TSHZ1: variants seen among roughly 807,000 people sequenced by gnomAD.
The protein encoded by TSHZ1 is teashirt homolog 1.
A neutral mutation model predicts 67.1 loss-of-function variants in TSHZ1; 12 were observed. That is an observed-to-expected ratio of 0.18 (90% CI 0.11 to 0.29). The LOEUF (loss-of-function observed/expected upper bound fraction) is 0.29, where lower values mean the gene tolerates loss of function less well. Among genes scored for constraint, TSHZ1 ranks in the 10% least tolerant of loss-of-function variants. TSHZ1 has a pLI of 1.00. For synonymous variants in TSHZ1, 632 were observed against 622.4 expected, an observed-to-expected ratio of 1.02 and a Z score of -0.23; for missense variants, 1,305 against 1,413.9, an observed-to-expected ratio of 0.92 and a Z score of 1.23.
At chr18:75,241,841 G>A (rs1362698767) in intron 1 of TSHZ1, among the ~76,000 whole-genome samples, 1 of 150,748 alleles carries the variant, frequency 6.6e-6, no homozygotes, top group Non-Finnish European at 1.5e-5. Flanking sequence ...GGCAGTCCTG[G>A]GTGTCCTTGG....
intron 1 of TSHZ1, among the ~76,000 whole-genome samples, chr18:75,274,095 G>A (rs1489981463): frequency 6.6e-6 from 1 of 152,102 alleles, no homozygotes; most frequent in African/African-American, 2.4e-5. Context: ...TCCCCCCGAT[G>A]GCAGGACACA....
chr18:75,248,955 C>T (rs1021398575), intron 1 of TSHZ1, among the ~76,000 whole-genome samples: 5 of 152,180 alleles, frequency 3.3e-5, no homozygotes, highest in South Asian at 2.1e-4. Context: ...GAGCCACCTC[C>T]GCGTGGGAGG....
At chr18:75,279,630 G>A (rs2023660809) in intron 1 of TSHZ1, among the ~76,000 whole-genome samples, 1 of 152,220 alleles carries the variant, frequency 6.6e-6, no homozygotes, top group Non-Finnish European at 1.5e-5. Context: ...GGGCAGAGCA[G>A]CCCAGGACAG....
chr18:75,255,452 C>A (rs1205830272), intron 1 of TSHZ1, among the ~76,000 whole-genome samples: 1 of 152,158 alleles, frequency 6.6e-6, no homozygotes, highest in Non-Finnish European at 1.5e-5. Context: ...CAGGTAATAA[C>A]TTATATCTTC....
intron 1 of TSHZ1, among the ~76,000 whole-genome samples, chr18:75,217,102 G>A (rs1213753651): frequency 1.3e-5 from 2 of 152,356 alleles, no homozygotes; most frequent in Non-Finnish European, 2.9e-5. Flanking sequence ...CAAGAGTTTT[G>A]GCTGCTGAAG....
At chr18:75,270,912 A>C (rs1213858213) in intron 1 of TSHZ1, among the ~76,000 whole-genome samples, 1 of 152,222 alleles carries the variant, frequency 6.6e-6, no homozygotes, top group Non-Finnish European at 1.5e-5. Context: ...GAGCAGAACC[A>C]AAGGAGGCCG....
chr18:75,267,840 C>T (rs1373903625), intron 1 of TSHZ1, among the ~76,000 whole-genome samples: 1 of 152,136 alleles, frequency 6.6e-6, no homozygotes, highest in Non-Finnish European at 1.5e-5. Context: ...ATCGTCTCCT[C>T]GACACAGGGC....
intron 1 of TSHZ1, among the ~76,000 whole-genome samples, chr18:75,276,401 A>T (rs2023614290): frequency 6.6e-6 from 1 of 151,860 alleles, no homozygotes; most frequent in African/African-American, 2.4e-5. Context: ...TAGTGCGTAT[A>T]TTGTATTTTT....
In TSHZ1 at chr18:75,287,081, C is replaced by T. The variant is rs781631246; in HGVS notation, c.1674C>T (p.Thr558=). The T allele has an allele frequency of 8.7e-6, 14 of 1,614,102 alleles. No individual in the cohort carries two copies. The highest frequency in any genetic ancestry group is 1.1e-5 in the South Asian group (1 of 91,082). The part of the protein sequence containing the change: ...GLDILKSLEN[T]VSTAISKAQN... ...ACATTCTCAAGTCCCTGGAGAATACCGTCTCCACGGCCATTAGCAAAGCTC... is the reference window on the plus strand; with the variant it reads ...ACATTCTCAAGTCCCTGGAGAATACTGTCTCCACGGCCATTAGCAAAGCTC... The change falls in exon 2 of 2, where the codon ACC becomes ACT. Residue 558 remains threonine (T), a synonymous_variant. Transcript: ENST00000580243. The surrounding 1 kb of genome is among the most constrained non-coding windows in gnomAD (Gnocchi z 5.0).
chr18:75,255,988 T>C (rs899721350), intron 1 of TSHZ1, among the ~76,000 whole-genome samples: 1 of 152,246 alleles, frequency 6.6e-6, no homozygotes, highest in African/African-American at 2.4e-5. Flanking sequence ...CGGAGCTATT[T>C]TCATAGGGAT....
intron 1 of TSHZ1, among the ~76,000 whole-genome samples, chr18:75,229,370 G>A (rs148211471): frequency 2.1e-4 from 32 of 152,358 alleles, no homozygotes; most frequent in Non-Finnish European, 3.4e-4. Context: ...CTTCCGGTCC[G>A]ATGGTGTGAA....
Position 75,288,590 on chromosome 18 carries a change from C to A in TSHZ1, c.3183C>A (p.Gly1061=), listed in dbSNP as rs749685066. ...AACTGCACCTTAGTAAGACCCACGGCAAGTCTCCCGAGGACCACCTGATCT... is the reference window on the plus strand; with the variant it reads ...AACTGCACCTTAGTAAGACCCACGGAAAGTCTCCCGAGGACCACCTGATCT... ...AVKLHLSKTH[G]KSPEDHLIYV... Residue 1061 remains glycine, a synonymous_variant, in exon 2 of 2, where the codon GGC becomes GGA. Coordinates refer to ENST00000580243, the MANE Select transcript of TSHZ1 (RefSeq NM_001308210.2). This position sits in a 1 kb window ranked among gnomAD's most constrained non-coding sequence, Gnocchi z 4.9. 11 of 1,612,512 alleles carry A rather than the reference C, an allele frequency of 6.8e-6. No homozygotes were observed. Among genetic ancestry groups the A allele is most frequent in the Non-Finnish European group, 9.3e-6 (11 of 1,179,402 alleles).
At position 75,287,687 on chromosome 18, in the gene TSHZ1, G is replaced by A. The variant is rs2023797980; in HGVS notation, c.2280G>A (p.Val760=). 6.2e-7 allele frequency: 1 copy of A among 1,614,188 alleles called. No individual in the cohort carries two copies. ...QSIMNTHLGK[V]SKPVSPSLDP... ...TCATGAACACCCACCTGGGCAAGGT[G>A]TCCAAGCCCGTGAGTCCCTCGCTGG... is the stretch of plus-strand genomic sequence containing the variant. Residue 760 remains valine, a synonymous_variant, in exon 2 of 2, where the codon GTG becomes GTA. Coordinates refer to ENST00000580243, the MANE Select transcript of TSHZ1 (RefSeq NM_001308210.2). The surrounding 1 kb of genome is among the most constrained non-coding windows in gnomAD (Gnocchi z 5.0).
chr18:75,288,729 T>C lies in TSHZ1; in HGVS notation c.*88T>C, dbSNP rs2023821819. On this transcript the variant is annotated 3_prime_UTR_variant, in exon 2 of 2. Transcript: ENST00000580243. This position sits in a 1 kb window ranked among gnomAD's most constrained non-coding sequence, Gnocchi z 4.9. ...GGCCTGAGCCTCTGAAATCAGTCTTTCCTTTGTTGCTGGCCCGCCTCTCTG... is the reference window on the plus strand; with the variant it reads ...GGCCTGAGCCTCTGAAATCAGTCTTCCCTTTGTTGCTGGCCCGCCTCTCTG... 1 of 1,505,524 alleles carries C rather than the reference T, an allele frequency of 6.6e-7. No individual in the cohort carries two copies. The highest frequency in any genetic ancestry group is 8.8e-7 in the Non-Finnish European group (1 of 1,130,476). The allele number at this position is 1,505,524 out of a possible 1,614,324, so 93.3% of individuals were successfully genotyped here. A position where few individuals can be genotyped will look rare whatever the true frequency, so the allele number is the denominator to read the frequency against.
chr18:75,229,888 G>A (rs2022975414), intron 1 of TSHZ1, among the ~76,000 whole-genome samples: 1 of 152,142 alleles, frequency 6.6e-6, no homozygotes, highest in African/African-American at 2.4e-5. Context: ...GCCTCCTTTT[G>A]AATGTTAAGT....
intron 1 of TSHZ1, among the ~76,000 whole-genome samples, chr18:75,275,482 G>C (rs2023604524): frequency 6.6e-6 from 1 of 152,182 alleles, no homozygotes; most frequent in African/African-American, 2.4e-5. Context: ...TACTTAATCT[G>C]CGTTACGTTT....
In TSHZ1 at chr18:75,286,049, T is replaced by C. The variant is rs3744908; in HGVS notation, c.642T>C (p.Tyr214=). ...AGACGCTGCAGCAGACGTCCTCGTATGGGCTGCTTCCTGAGCCCAGCCTGT... is the reference window on the plus strand; with the variant it reads ...AGACGCTGCAGCAGACGTCCTCGTACGGGCTGCTTCCTGAGCCCAGCCTGT... ...LAKTLQQTSS[Y]GLLPEPSLFS... Residue 214 remains tyrosine, a synonymous_variant, in exon 2 of 2, where the codon TAT becomes TAC. Transcript: ENST00000580243. This position sits in a 1 kb window ranked among gnomAD's most constrained non-coding sequence, Gnocchi z 5.1. 0.38 allele frequency: 612,876 copies of C among 1,612,406 alleles called. 120,089 individuals are homozygous for C. The highest frequency in any genetic ancestry group is 0.4 in the Non-Finnish European group (475,442 of 1,179,298).
chr18:75,234,244 G>C (rs1041055171), intron 1 of TSHZ1, among the ~76,000 whole-genome samples: 5 of 152,140 alleles, frequency 3.3e-5, no homozygotes, highest in Admixed American at 2.6e-4. Context: ...TCAGAACTGG[G>C]ATTGTGGGTT....
chr18:75,270,221 T>C (rs1018018670), intron 1 of TSHZ1, among the ~76,000 whole-genome samples: 1 of 152,306 alleles, frequency 6.6e-6, no homozygotes, highest in Non-Finnish European at 1.5e-5. Flanking sequence ...TGGCATGGCC[T>C]GGGGCACCTC....
Sources: gnomAD v4.1 joint callset for allele counts (sites outside exome capture counted in the v4.1 genomes callset) on GRCh38, gnomAD v4.1.1 for gene constraint, Gnocchi (gnomAD v3.1) non-coding constraint, MANE v1.5 for transcripts, NCBI Gene and HGNC (gene_info 2026-07-23, HGNC 2026-07-21) for gene names.